Variants in CTNNA3 observed in about 807,000 individuals in gnomAD.
The protein encoded by CTNNA3 is catenin alpha-3.
Under a neutral mutation model 95.7 loss-of-function variants are expected in CTNNA3, and 76 were observed. The observed-to-expected ratio is 0.79, with a 90% CI of 0.66 to 0.96. CTNNA3 has a LOEUF of 0.96. Among genes scored for constraint, CTNNA3 ranks in the 40% least tolerant of loss-of-function variants. CTNNA3 has a pLI of 0.00. For missense variants in CTNNA3, 1,191 were observed against 1,089.8 expected, an observed-to-expected ratio of 1.09 and a Z score of -1.31; for synonymous variants, 431 against 374.4, an observed-to-expected ratio of 1.15 and a Z score of -1.74.
intron 11 of CTNNA3, among the ~76,000 whole-genome samples, chr10:66,403,956 G>C (rs1294336276): frequency 1.3e-5 from 2 of 152,144 alleles, no homozygotes; most frequent in Non-Finnish European, 2.9e-5. Flanking sequence ...GTAAGACTGA[G>C]AGGCCACAAG....
At chr10:67,199,664 T>C (rs1334066706) in intron 6 of CTNNA3, among the ~76,000 whole-genome samples, 2 of 152,160 alleles carry the variant, frequency 1.3e-5, no homozygotes, top group Non-Finnish European at 2.9e-5. Context: ...GGTTTTTGTA[T>C]TTTTATAAAG....
At chr10:67,445,394 T>TA (rs35757406) in intron 5 of CTNNA3, among the ~76,000 whole-genome samples, 4,189 of 144,118 alleles carry the variant, frequency 0.029, 161 homozygotes, top group African/African-American at 0.09. Context: ...CTAAATGCAT[T>TA]AAAAAAAAAA....
intron 17 of CTNNA3, among the ~76,000 whole-genome samples, chr10:65,934,831 T>G (rs2077310407): frequency 6.6e-6 from 1 of 152,124 alleles, no homozygotes; most frequent in African/African-American, 2.4e-5. Flanking sequence ...GTTTTCATCC[T>G]AGGTAATCAT....
At chr10:66,926,140 G>C in intron 7 of CTNNA3, 1 of 459,948 alleles carries the variant, frequency 2.2e-6, no homozygotes, top group African/African-American at 2.0e-5. Context: ...CTCTGTGGCT[G>C]AACTGGGTGC....
At chr10:67,735,256 G>C (rs1429828722) in intron 1 of CTNNA3, among the ~76,000 whole-genome samples, 1 of 151,986 alleles carries the variant, frequency 6.6e-6, no homozygotes, top group Non-Finnish European at 1.5e-5. Context: ...TCAAGTCTGG[G>C]AAAGAGTATA....
chr10:66,507,710 GTA>G (rs34952281), intron 11 of CTNNA3, among the ~76,000 whole-genome samples: 23,113 of 150,598 alleles, frequency 0.15, 1,819 homozygotes, highest in Middle Eastern at 0.17. Context: ...ATTCTGTTGT[GTA>G]TATATATATA....
chr10:66,135,145 T>C (rs1004405782), intron 13 of CTNNA3, among the ~76,000 whole-genome samples: 1 of 152,184 alleles, frequency 6.6e-6, no homozygotes, highest in African/African-American at 2.4e-5. Context: ...CAATATTTCT[T>C]AGCTAGTAAC....
intron 11 of CTNNA3, among the ~76,000 whole-genome samples, chr10:66,403,425 CG>C (rs1484498035): frequency 5.9e-5 from 9 of 152,106 alleles, no homozygotes; most frequent in African/African-American, 1.9e-4. Flanking sequence ...AAAATCATGG[CG>C]GAAGGTGAAG....
At chr10:67,107,133 A>T (rs1858678843) in intron 7 of CTNNA3, among the ~76,000 whole-genome samples, 1 of 152,202 alleles carries the variant, frequency 6.6e-6, no homozygotes, top group South Asian at 2.1e-4. Flanking sequence ...TGAAGGGAGA[A>T]TATTATATTT....
intron 3 of CTNNA3, among the ~76,000 whole-genome samples, chr10:67,542,562 C>T (rs965974274): frequency 7.9e-5 from 12 of 152,086 alleles, no homozygotes; most frequent in Middle Eastern, 3.4e-3. Context: ...ACAGCTGTAT[C>T]CTAGGTATCC....
intron 5 of CTNNA3, among the ~76,000 whole-genome samples, chr10:67,289,513 A>G (rs1839747629): frequency 6.6e-6 from 1 of 152,190 alleles, no homozygotes; most frequent in African/African-American, 2.4e-5. Context: ...AGAAAATAAA[A>G]GGGAAGCCGT....
At chr10:67,464,701 G>C (rs1847517068) in intron 5 of CTNNA3, among the ~76,000 whole-genome samples, 1 of 152,044 alleles carries the variant, frequency 6.6e-6, no homozygotes, top group Non-Finnish European at 1.5e-5. Flanking sequence ...TAACAAAAAA[G>C]GAGTTTGAAA....
chr10:66,357,270 T>C (rs1230733512), intron 12 of CTNNA3, among the ~76,000 whole-genome samples: 1 of 152,168 alleles, frequency 6.6e-6, no homozygotes, highest in Non-Finnish European at 1.5e-5. Flanking sequence ...GCCAATTTAA[T>C]TTCTGCAACA....
chr10:67,647,578 A>C, intron 1 of CTNNA3, 60 bp from the exon 2 acceptor site: 1 of 1,369,432 alleles, frequency 7.3e-7, no homozygotes, highest in Non-Finnish European at 1.0e-6. Flanking sequence ...AAAGAAGAAC[A>C]CTTATGAAAT....
chr10:66,647,382 G>A (rs566417978), intron 9 of CTNNA3, among the ~76,000 whole-genome samples: 12 of 152,068 alleles, frequency 7.9e-5, no homozygotes, highest in African/African-American at 2.4e-4. Context: ...AAAATACTTT[G>A]GGAACAGGCA....
chr10:67,564,646 T>G (rs1841678285), intron 3 of CTNNA3, among the ~76,000 whole-genome samples: 1 of 127,078 alleles, frequency 7.9e-6, no homozygotes, highest in South Asian at 3.0e-4. Flanking sequence ...GTATAACAAC[T>G]GTATATATAT....
intron 9 of CTNNA3, among the ~76,000 whole-genome samples, chr10:66,734,816 CTG>C (rs2132676196): frequency 6.7e-6 from 1 of 149,538 alleles, no homozygotes; most frequent in South Asian, 2.1e-4. Context: ...TGAGCTGAGA[CTG>C]TGCCACTGCA....
At chr10:66,321,332 CAT>C (rs2092182417) in intron 12 of CTNNA3, among the ~76,000 whole-genome samples, 1 of 151,934 alleles carries the variant, frequency 6.6e-6, no homozygotes, top group Non-Finnish European at 1.5e-5. Context: ...CCGAAAGAAA[CAT>C]AAAAACTAAA....
intron 15 of CTNNA3, among the ~76,000 whole-genome samples, chr10:66,062,858 A>G (rs368736247): frequency 6.6e-6 from 1 of 151,944 alleles, no homozygotes; most frequent in African/African-American, 2.4e-5. Context: ...ATGATTTGTC[A>G]CTCTATGGAG....
Sources: allele counts gnomAD v4.1 joint callset (sites outside exome capture counted in the v4.1 genomes callset), GRCh38; gene constraint gnomAD v4.1.1; transcripts MANE v1.5; gene names NCBI Gene and HGNC (gene_info 2026-07-23, HGNC 2026-07-21).